The following ENTPD6 variants were observed in gnomAD, a reference collection of about 807,000 sequenced individuals.
ENTPD6 encodes CD39 antigen-like 2.
ENTPD6 carries 46 observed loss-of-function variants against 61.5 expected under a neutral mutation model. That is an observed-to-expected ratio of 0.75 (90% CI 0.59 to 0.96). The LOEUF (loss-of-function observed/expected upper bound fraction) is 0.96, where lower values mean the gene tolerates loss of function less well. Among genes scored for constraint, ENTPD6 ranks in the 40% least tolerant of loss-of-function variants. The probability of loss-of-function intolerance (pLI) is 0.00; values close to 1 mark genes in which losing one functional copy is unlikely to be tolerated. For synonymous variants in ENTPD6, 252 were observed against 255.5 expected (o/e 0.99, Z 0.13); for missense variants, 612 against 629.0 (o/e 0.97, Z 0.29).
chr20:25,197,936 C>A (rs12480022), intron 1 of ENTPD6, among the ~76,000 whole-genome samples: 1 of 152,164 alleles, frequency 6.6e-6, no homozygotes, highest in African/African-American at 2.4e-5. Context: ...TGTGCTCCAC[C>A]ACACACTGAC....
At chr20:25,209,019 C>T (rs1008682109) in intron 3 of ENTPD6, among the ~76,000 whole-genome samples, 6 of 151,904 alleles carry the variant, frequency 3.9e-5, no homozygotes, top group Non-Finnish European at 5.9e-5. Flanking sequence ...TGGGTTCAAG[C>T]GATTCTCCTG....
rs779438940 is a variant in ENTPD6 at position 25,225,361 on chromosome 20, A to T, written c.1356+44A>T. The T allele has an allele frequency of 1.5e-5, 24 of 1,608,166 alleles. 1 individual carries two copies. The South Asian group carries it at 2.7e-4, about 18-fold the overall frequency. On this transcript the variant is annotated intron_variant, in intron 14 of 14. Transcript: ENST00000376652. Reference sequence around the variant, plus strand: ...CACGCCCCAGCCCCTTTATGGAGTGAGGGGCCTAGAACCACTTCTCCAGTT... The same window carrying T: ...CACGCCCCAGCCCCTTTATGGAGTGTGGGGCCTAGAACCACTTCTCCAGTT...
chr20:25,201,606 A>G (rs1282580498), intron 1 of ENTPD6, among the ~76,000 whole-genome samples: 2 of 152,108 alleles, frequency 1.3e-5, no homozygotes, highest in African/African-American at 4.8e-5. Context: ...TCACTCTTTG[A>G]ATTGACTCTT....
At chr20:25,215,081 A>C (rs2092241726) in intron 6 of ENTPD6, 139 bp downstream of exon 6, 1 of 626,586 alleles carries the variant, frequency 1.6e-6, no homozygotes, top group East Asian at 2.7e-5. Context: ...CAAGTAAAGA[A>C]TCATGGCTGT....
Position 25,213,265 on chromosome 20 carries a change from C to T in ENTPD6, c.456C>T (p.Ser152=), listed in dbSNP as rs754369117. The T allele has an allele frequency of 1.2e-5, 19 of 1,614,082 alleles. No individual in the cohort carries two copies. Among genetic ancestry groups the T allele is most frequent in the South Asian group, 7.7e-5 (7 of 91,092 alleles). The change falls in exon 5 of 15, where the codon AGC becomes AGT. Residue 152 remains serine, a splice_region_variant and synonymous_variant. Transcript: ENST00000376652. ...LSAYADDVEK[S]AQGIRELLDV... ...CTTTGCTCTTACCACGTTCACAGAG[C>T]GCTCAGGGAATCCGGGAACTACTGG...
chr20:25,225,530 G>C lies in ENTPD6; in HGVS notation c.1388G>C (p.Ser463Thr). Residue 463 changes from serine to threonine, a missense_variant, in exon 15 of 15, where the codon AGC becomes ACC. Ser to Thr is a moderately conservative substitution (Grantham distance 58). Coordinates refer to ENST00000376652, the MANE Select transcript of ENTPD6 (RefSeq NM_001247.5). ...CGGAAAATTGACAATGTTGAGACCA[G>C]CTGGGCTCTGGGGGCCATTTTTCAT... ...LTRKIDNVET[S>T]WALGAIFHYI... 6 of 1,614,108 alleles carry C rather than the reference G, an allele frequency of 3.7e-6. No individual in the cohort carries two copies. The highest frequency in any genetic ancestry group is 5.1e-6 in the Non-Finnish European group (6 of 1,179,978).
intron 1 of ENTPD6, among the ~76,000 whole-genome samples, chr20:25,204,112 C>T (rs79810410): frequency 0.032 from 4,832 of 152,248 alleles, 240 homozygotes; most frequent in African/African-American, 0.11. Flanking sequence ...TTGGAGTAAC[C>T]TTTGTTTTTC....
intron 1 of ENTPD6, among the ~76,000 whole-genome samples, chr20:25,206,311 G>T (rs1473694): frequency 0.27 from 40,956 of 152,206 alleles, 7,800 homozygotes; most frequent in African/African-American, 0.55. Flanking sequence ...CCAAGGTTGG[G>T]GGCCCTAGAG....
intron 5 of ENTPD6, among the ~76,000 whole-genome samples, chr20:25,214,133 GC>G (rs2092162301): frequency 6.6e-6 from 1 of 152,164 alleles, no homozygotes; most frequent in African/African-American, 2.4e-5. Flanking sequence ...CCCAGTCCCA[GC>G]ACGTCAGGGC....
chr20:25,225,157 C>A, intron 13 of ENTPD6, 48 bp from the exon 14 acceptor site: 1 of 1,578,384 alleles, frequency 6.3e-7, no homozygotes, highest in Non-Finnish European at 8.6e-7. Context: ...CCCCTCCGCC[C>A]CCAGGTGGGA....
chr20:25,221,110 C>T, intron 10 of ENTPD6, 122 bp from the exon 11 acceptor site: 1 of 698,722 alleles, frequency 1.4e-6, no homozygotes, highest in Admixed American at 2.8e-5. Flanking sequence ...CCCAGTGGAC[C>T]TGGAAGCCAC....
intron 3 of ENTPD6, 62 bp from the exon 4 acceptor site, chr20:25,209,787 A>G: frequency 7.1e-7 from 1 of 1,412,944 alleles, no homozygotes; most frequent in Non-Finnish European, 1.0e-6. Context: ...GCTAGTCATG[A>G]TTGTATGTGT....
intron 11 of ENTPD6, 189 bp downstream of exon 11, chr20:25,221,522 C>G (rs1315224949): frequency 1.5e-6 from 1 of 665,244 alleles, no homozygotes; most frequent in Non-Finnish European, 2.8e-6. Flanking sequence ...AGAGCCAGCT[C>G]CTTCCCTCTG....
intron 12 of ENTPD6, 122 bp from the exon 13 acceptor site, chr20:25,223,979 G>A (rs1443463736): frequency 8.4e-6 from 7 of 838,084 alleles, no homozygotes; most frequent in Non-Finnish European, 1.3e-5. Context: ...TGGAGGGCCT[G>A]CCTCAGAAGC....
Position 25,216,770 on chromosome 20 carries a change from A to C in ENTPD6, c.798+34A>C, listed in dbSNP as rs897576963. The C allele has an allele frequency of 4.6e-5, 57 of 1,233,298 alleles. No homozygotes were observed. In the Middle Eastern group the frequency reaches 7.5e-4, roughly 16 times the overall value. 76.4% of individuals were successfully genotyped at this position (1,233,298 alleles called of 1,614,324 possible). On this transcript the variant is annotated intron_variant, in intron 8 of 14. Coordinates refer to ENST00000376652, the MANE Select transcript of ENTPD6 (RefSeq NM_001247.5). Reference sequence around the variant, plus strand: ...CCCTGCCGACCACAGCGCTCTTTCCACCCCGAGGCCACACCGCCATGGGGG... The same window carrying C: ...CCCTGCCGACCACAGCGCTCTTTCCCCCCCGAGGCCACACCGCCATGGGGG...
At chr20:25,196,334 A>G (rs2090407020) in intron 1 of ENTPD6, 1 of 697,454 alleles carries the variant, frequency 1.4e-6, no homozygotes, top group South Asian at 6.4e-5. Context: ...CGAGGAGCTC[A>G]TAGGTGGTCA....
chr20:25,206,041 G>A (rs759549073), intron 1 of ENTPD6, among the ~76,000 whole-genome samples: 23 of 152,338 alleles, frequency 1.5e-4, no homozygotes, highest in Non-Finnish European at 2.9e-4. Flanking sequence ...TGTAAAGCCC[G>A]CATGTGGCAC....
At chr20:25,207,450 G>C in intron 3 of ENTPD6, 53 bp downstream of exon 3, 1 of 1,463,340 alleles carries the variant, frequency 6.8e-7, no homozygotes, top group Non-Finnish European at 9.1e-7. Flanking sequence ...GTGCTACAGT[G>C]TTGGCCGGGT....
At chr20:25,215,358 G>A (rs2092255321) in intron 6 of ENTPD6, among the ~76,000 whole-genome samples, 1 of 152,230 alleles carries the variant, frequency 6.6e-6, no homozygotes, top group Admixed American at 6.5e-5. Flanking sequence ...GAGTGAGTGT[G>A]TATGGAGGAG....
Sources: gnomAD v4.1 joint callset for allele counts (sites outside exome capture counted in the v4.1 genomes callset) on GRCh38, gnomAD v4.1.1 for gene constraint, MANE v1.5 for transcripts, NCBI Gene and HGNC (gene_info 2026-07-23, HGNC 2026-07-21) for gene names.